The following COL23A1 variants were observed in gnomAD, a reference collection of about 807,000 sequenced individuals.
COL23A1 encodes the protein collagen type XXIII alpha 1 chain.
COL23A1 carries 97 observed loss-of-function variants against 99.3 expected under a neutral mutation model. The ratio of observed to expected loss-of-function variants is 0.98; its 90% CI spans 0.83 to 1.16. The LOEUF (loss-of-function observed/expected upper bound fraction) is 1.16. COL23A1 is among the 50% of genes most tolerant of loss of function. The pLI is 0.00. For synonymous variants in COL23A1, 320 were observed against 308.2 expected (o/e 1.04, Z -0.40); for missense variants, 762 against 757.4 (o/e 1.01, Z -0.07).
At chr5:178,357,884 CGTGTGT>C (rs141271227) in intron 2 of COL23A1, among the ~76,000 whole-genome samples, 2 of 121,952 alleles carry the variant, frequency 1.6e-5, no homozygotes, top group Non-Finnish European at 3.4e-5. Context: ...TGCATGTGTA[CGTGTGT>C]GTGTATGTGT....
At chr5:178,319,106 G>T (rs1341137590) in intron 2 of COL23A1, among the ~76,000 whole-genome samples, 1 of 152,154 alleles carries the variant, frequency 6.6e-6, no homozygotes, top group Admixed American at 6.5e-5. Context: ...AGCGGTGGGT[G>T]GGGGGCTGGG....
rs573201745 is a variant in COL23A1, at chr5:178,364,841, G to A, written c.362-57922C>T. ...GCTCCCCCTCACCTATGGGGAAGCCGGCACCTTGCAGGTTTCAGGGCACAC... is the reference window on the plus strand; with the variant it reads ...GCTCCCCCTCACCTATGGGGAAGCCAGCACCTTGCAGGTTTCAGGGCACAC... On this transcript the variant is annotated intron_variant, in intron 2 of 28. Transcript: ENST00000390654. Among the ~76,000 whole-genome samples, 4 of 152,292 alleles carry A rather than the reference G, an allele frequency of 2.6e-5. No individual in the cohort carries two copies. In the South Asian group the frequency reaches 6.2e-4, roughly 24 times the overall value.
intron 2 of COL23A1, among the ~76,000 whole-genome samples, chr5:178,372,117 G>T (rs940253606): frequency 6.6e-6 from 1 of 152,206 alleles, no homozygotes; most frequent in Non-Finnish European, 1.5e-5. Context: ...CACAACTCTG[G>T]ATTTCTGGTT....
rs70994992 is a variant in COL23A1 at position 178,258,236 on chromosome 5, A to AATATATAT, written c.730-677_730-670dup. Among the ~76,000 whole-genome samples the AATATATAT allele has an allele frequency of 4.6e-3, 329 of 71,942 alleles. 15 individuals carry two copies. Among genetic ancestry groups the AATATATAT allele is most frequent in the African/African-American group, 5.9e-3 (117 of 19,870 alleles). 47.2% of individuals were successfully genotyped at this position (71,942 alleles called of 152,430 possible). A position where few individuals can be genotyped will look rare whatever the true frequency, so the allele number is the denominator to read the frequency against. The stretch of plus-strand genomic sequence containing the variant: ...GTGACAGAGTGAGATCCTGTCTTAA[A>AATATATAT]ATATATATATATATATATATATATA... On this transcript the variant is annotated intron_variant, in intron 12 of 28. Coordinates refer to ENST00000390654, the MANE Select transcript of COL23A1 (RefSeq NM_173465.4).
intron 1 of COL23A1, among the ~76,000 whole-genome samples, chr5:178,586,758 G>A (rs774513319): frequency 6.6e-6 from 1 of 152,270 alleles, no homozygotes; most frequent in Middle Eastern, 3.4e-3. Context: ...CTCCAGTTGT[G>A]CCATGGAATT....
intron 2 of COL23A1, chr5:178,344,909 C>A: frequency 5.4e-6 from 4 of 733,964 alleles, no homozygotes; most frequent in African/African-American, 1.8e-5. Flanking sequence ...AGGGACAACA[C>A]GTAGAGAATT....
chr5:178,311,932 T>C (rs1758715567), intron 2 of COL23A1, among the ~76,000 whole-genome samples: 2 of 151,992 alleles, frequency 1.3e-5, no homozygotes, highest in African/African-American at 4.8e-5. Context: ...AGTTTCACCA[T>C]GTTGGCCAGG....
In COL23A1 at chr5:178,564,361, G is replaced by A. The variant is rs1173508441; in HGVS notation, c.295-3613C>T. Among the ~76,000 whole-genome samples the A allele has an allele frequency of 2.6e-5, 4 of 151,568 alleles. No homozygotes were observed. In the East Asian group the frequency reaches 7.7e-4, roughly 29 times the overall value. The stretch of plus-strand genomic sequence containing the variant: ...GTATCCTGACTACTAAGAATACAAA[G>A]TGAAATGTTTGAATTAGAAACCCAA... On this transcript the variant is annotated intron_variant, in intron 1 of 28. Transcript: ENST00000390654.
rs35787274 is a variant in COL23A1 at position 178,517,557 on chromosome 5, G to GTTTTTT, written c.361+43119_361+43124dup. 4.6e-4 allele frequency among the ~76,000 whole-genome samples: 39 copies of GTTTTTT among 84,968 alleles called. 4 individuals carry two copies. Among genetic ancestry groups the GTTTTTT allele is most frequent in the East Asian group, 1.2e-3 (2 of 1,682 alleles). The allele number at this position is 84,968 out of a possible 152,430, so 55.7% of individuals were successfully genotyped here. A position where few individuals can be genotyped will look rare whatever the true frequency, so the allele number is the denominator to read the frequency against. ...AGGGCTCAGACTCTCGGTGACAGCA[G>GTTTTTT]TTTTTTTTTTGTTTTTTTTTTTGAG... On this transcript the variant is annotated intron_variant, in intron 2 of 28. Transcript: ENST00000390654.
intron 2 of COL23A1, among the ~76,000 whole-genome samples, chr5:178,398,876 G>A (rs539601209): frequency 1.9e-4 from 29 of 152,310 alleles, no homozygotes; most frequent in Non-Finnish European, 3.4e-4. Context: ...AGGTCTTAGC[G>A]TTTTCTTCTT....
At chr5:178,353,413 T>G (rs7732565) in intron 2 of COL23A1, among the ~76,000 whole-genome samples, 11,040 of 152,196 alleles carry the variant, frequency 0.073, 925 homozygotes, top group African/African-American at 0.19. Context: ...GTTAAAAGTA[T>G]AAAACTATGA....
At chr5:178,335,315 T>C (rs887094290) in intron 2 of COL23A1, among the ~76,000 whole-genome samples, 4 of 152,222 alleles carry the variant, frequency 2.6e-5, no homozygotes, top group Non-Finnish European at 5.9e-5. Flanking sequence ...ACAAGTGTGT[T>C]CTGTGATTTA....
At chr5:178,258,075 C>A (rs535861715) in intron 12 of COL23A1, among the ~76,000 whole-genome samples, 11 of 151,912 alleles carry the variant, frequency 7.2e-5, no homozygotes, top group Non-Finnish European at 1.2e-4. Context: ...GACTCCATCT[C>A]TACAAAAACC....
intron 2 of COL23A1, among the ~76,000 whole-genome samples, chr5:178,469,059 C>A (rs1345075785): frequency 6.6e-6 from 1 of 152,206 alleles, no homozygotes; most frequent in Non-Finnish European, 1.5e-5. Context: ...CAAGGTCCGT[C>A]CATGTTGCAG....
At chr5:178,245,796 A>G (rs1174761667) in intron 25 of COL23A1, 146 bp downstream of exon 25, 4 of 881,626 alleles carry the variant, frequency 4.5e-6, no homozygotes, top group African/African-American at 3.3e-5. Flanking sequence ...GGACTTGGCA[A>G]TGGGGACACA....
chr5:178,524,891 G>A (rs1455379213), intron 2 of COL23A1, among the ~76,000 whole-genome samples: 1 of 152,226 alleles, frequency 6.6e-6, no homozygotes, highest in African/African-American at 2.4e-5. Flanking sequence ...ACAGCTGTCT[G>A]GGAGCCCAGC....
At chr5:178,580,432 G>A (rs1006518776) in intron 1 of COL23A1, among the ~76,000 whole-genome samples, 5 of 149,386 alleles carry the variant, frequency 3.3e-5, no homozygotes, top group Non-Finnish European at 5.9e-5. Context: ...CTAGAAGTAC[G>A]CCGACACGTG....
At chr5:178,456,485 G>A (rs1300711727) in intron 2 of COL23A1, among the ~76,000 whole-genome samples, 1 of 152,184 alleles carries the variant, frequency 6.6e-6, no homozygotes, top group Non-Finnish European at 1.5e-5. Context: ...GATCACCTGA[G>A]GTCGGGAGTT....
intron 1 of COL23A1, among the ~76,000 whole-genome samples, chr5:178,572,871 C>A (rs916456951): frequency 1.3e-5 from 2 of 152,200 alleles, no homozygotes; most frequent in Admixed American, 1.3e-4. Context: ...AACTATTGTG[C>A]AAAAGCAGTT....
Sources: allele counts gnomAD v4.1 joint callset (sites outside exome capture counted in the v4.1 genomes callset), GRCh38; gene constraint gnomAD v4.1.1; transcripts MANE v1.5; gene names NCBI Gene and HGNC (gene_info 2026-07-23, HGNC 2026-07-21).